The following OR52A5 variants were observed in gnomAD, a reference collection of about 807,000 sequenced individuals.
OR52A5 encodes the protein olfactory receptor 52A5.
In OR52A5, 16 loss-of-function variants were observed where a neutral mutation model predicts 18.2. The observed-to-expected ratio is 0.88, with a 90% CI of 0.60 to 1.34. The LOEUF is 1.34. OR52A5 is among the 40% of genes most tolerant of loss of function. OR52A5 has a pLI of 0.00. For missense variants in OR52A5, 418 were observed against 383.0 expected (o/e 1.09, Z -0.76); for synonymous variants, 140 against 137.2 (o/e 1.02, Z -0.14).
rs11035835 is a variant in OR52A5, at chr11:5,136,518, G to A, written c.-61+1793C>T. Among the ~76,000 whole-genome samples, 853 of 152,266 alleles carry A rather than the reference G, an allele frequency of 5.6e-3. 4 individuals are homozygous for A. Among genetic ancestry groups the A allele is most frequent in the Middle Eastern group, 0.024 (7 of 294 alleles). The stretch of plus-strand genomic sequence containing the variant: ...TTCAAGCATTGCCAAATGTCCCTTG[G>A]ATGCATGAAGAGGGACATATCTCTG... On this transcript the variant is annotated intron_variant, in intron 1 of 1. Transcript: ENST00000307388.
At chr11:5,134,580 T>G (rs916018966) in intron 1 of OR52A5, among the ~76,000 whole-genome samples, 3 of 152,160 alleles carry the variant, frequency 2.0e-5, no homozygotes, top group African/African-American at 7.2e-5. Flanking sequence ...TTATTCCATA[T>G]TTATTAATTA....
chr11:5,130,521 A>T lies in OR52A5; in HGVS notation c.*1171T>A, dbSNP rs1369034067. On this transcript the variant is annotated 3_prime_UTR_variant, in exon 2 of 2. Transcript: ENST00000307388. Reference sequence around the variant, plus strand: ...TATTAAGTTTTGCTTATCTAATTCAACAATTTTTAATATGTCTGCCTATCA... The same window carrying T: ...TATTAAGTTTTGCTTATCTAATTCATCAATTTTTAATATGTCTGCCTATCA... The T allele has an allele frequency of 6.6e-6, 1 of 152,070 alleles. No individual in the cohort carries two copies. Among genetic ancestry groups the T allele is most frequent in the East Asian group, 1.9e-4 (1 of 5,198 alleles). The allele number at this position is 152,070 out of a possible 1,614,324, so 9.4% of individuals were successfully genotyped here.
At chr11:5,134,516 T>C (rs1439587315) in intron 1 of OR52A5, among the ~76,000 whole-genome samples, 1 of 152,140 alleles carries the variant, frequency 6.6e-6, no homozygotes, top group Non-Finnish European at 1.5e-5. Flanking sequence ...TTATTAAGTA[T>C]CCACTATGAT....
Position 5,131,738 on chromosome 11 carries a change from A to C in OR52A5, c.905T>G (p.Ile302Ser). 6.2e-7 allele frequency: 1 copy of C among 1,613,956 alleles called. No individual in the cohort carries two copies. Residue 302 changes from isoleucine (I) to serine (S), a missense_variant, in exon 2 of 2, where the codon ATT (isoleucine) becomes AGT (serine). Physicochemically the swap from Ile to Ser is moderately radical, Grantham distance 142 (BLOSUM62 -2). Transcript: ENST00000307388. ...AAACACTTTCACAATATGGTCACGAATTTGCTTGGTCTTCACTCCATAGAC... is the reference window on the plus strand; with the variant it reads ...AAACACTTTCACAATATGGTCACGACTTTGCTTGGTCTTCACTCCATAGAC... ...PIVYGVKTKQ[I>S]RDHIVKVFFF...
Position 5,132,670 on chromosome 11 carries a change from A to C in OR52A5, c.-28T>G, listed in dbSNP as rs777448527. On this transcript the variant is annotated 5_prime_UTR_variant, in exon 2 of 2. Transcript: ENST00000307388. ...TTTGTTCATCAGAATCAAGTGGTAGATTTGCTGTTTCATCTTCTATTCTCT... is the reference window on the plus strand; with the variant it reads ...TTTGTTCATCAGAATCAAGTGGTAGCTTTGCTGTTTCATCTTCTATTCTCT... The C allele has an allele frequency of 1.3e-5, 19 of 1,444,564 alleles. No homozygotes were observed. Among genetic ancestry groups the C allele is most frequent in the African/African-American group, 7.1e-5 (5 of 70,282 alleles). The allele number at this position is 1,444,564 out of a possible 1,614,324, so 89.5% of individuals were successfully genotyped here. A position where few individuals can be genotyped will look rare whatever the true frequency, so the allele number is the denominator to read the frequency against.
intron 1 of OR52A5, 29 bp downstream of exon 1, chr11:5,138,282 C>G (rs1846410003): frequency 6.6e-6 from 1 of 152,130 alleles, no homozygotes; most frequent in Non-Finnish European, 1.5e-5. Flanking sequence ...TCCCAAATAC[C>G]ATGCAGAATC....
At chr11:5,133,538 C>G (rs1256004905) in intron 1 of OR52A5, among the ~76,000 whole-genome samples, 1 of 144,256 alleles carries the variant, frequency 6.9e-6, no homozygotes, top group Non-Finnish European at 1.5e-5. Flanking sequence ...GCTCAAAATT[C>G]TTTCAACCTA....
Position 5,129,456 on chromosome 11 carries a change from G to A in OR52A5, c.*2236C>T, listed in dbSNP as rs1226710423. On this transcript the variant is annotated 3_prime_UTR_variant, in exon 2 of 2. Transcript: ENST00000307388. ...ATCTTTAACTTAAGGCAATCCCTTC[G>A]AGCCCTCAAACAATTTATTCTTGGA... The A allele has an allele frequency of 1.3e-5, 2 of 151,974 alleles. No individual in the cohort carries two copies. Among genetic ancestry groups the A allele is most frequent in the Non-Finnish European group, 2.9e-5 (2 of 67,984 alleles). The allele number at this position is 151,974 out of a possible 1,614,324, so 9.4% of individuals were successfully genotyped here.
In OR52A5 at chr11:5,129,679, T is replaced by A. The variant is rs962918370; in HGVS notation, c.*2013A>T. ...TACAACCTCATTTTGAGGCCAGGTCTTTTTTTATACCTTAAAAAAAGGTAA... is the reference window on the plus strand; with the variant it reads ...TACAACCTCATTTTGAGGCCAGGTCATTTTTTATACCTTAAAAAAAGGTAA... On this transcript the variant is annotated 3_prime_UTR_variant, in exon 2 of 2. Coordinates refer to ENST00000307388, the MANE Select transcript of OR52A5 (RefSeq NM_001005160.3). The A allele has an allele frequency of 2.0e-5, 3 of 152,000 alleles. No homozygotes were observed. The highest frequency in any genetic ancestry group is 7.3e-5 in the African/African-American group (3 of 41,372). 9.4% of individuals were successfully genotyped at this position (152,000 alleles called of 1,614,324 possible). A position where few individuals can be genotyped will look rare whatever the true frequency, so the allele number is the denominator to read the frequency against.
chr11:5,135,031 T>C (rs1461243405), intron 1 of OR52A5, among the ~76,000 whole-genome samples: 2 of 151,968 alleles, frequency 1.3e-5, no homozygotes, highest in East Asian at 1.9e-4. Context: ...CCCGTCACCA[T>C]GCCTGGCTAA....
chr11:5,130,318 T>C lies in OR52A5; in HGVS notation c.*1374A>G, dbSNP rs1846324178. On this transcript the variant is annotated 3_prime_UTR_variant, in exon 2 of 2. Transcript: ENST00000307388. ...TTTCTTATTTAGGAGTATCACTTAC[T>C]TATTATCTTCATTCTTTATCCTTCA... is the stretch of plus-strand genomic sequence containing the variant. 1 of 152,122 alleles carries C rather than the reference T, an allele frequency of 6.6e-6. No homozygotes were observed. 9.4% of individuals were successfully genotyped at this position (152,122 alleles called of 1,614,324 possible). A position where few individuals can be genotyped will look rare whatever the true frequency, so the allele number is the denominator to read the frequency against.
intron 1 of OR52A5, among the ~76,000 whole-genome samples, chr11:5,134,951 G>A (rs1342792023): frequency 6.6e-6 from 1 of 152,020 alleles, no homozygotes; most frequent in African/African-American, 2.4e-5. Context: ...CTCACTGCAA[G>A]CTCCGCCTCC....
rs188176376 is a variant in OR52A5, at chr11:5,129,685, T to A, written c.*2007A>T. ...CTCATTTTGAGGCCAGGTCTTTTTT[T>A]ATACCTTAAAAAAAGGTAATATGAA... On this transcript the variant is annotated 3_prime_UTR_variant, in exon 2 of 2. Transcript: ENST00000307388. 9.9e-5 allele frequency: 15 copies of A among 152,174 alleles called. No homozygotes were observed. Among genetic ancestry groups the A allele is most frequent in the Admixed American group, 9.8e-4 (15 of 15,272 alleles). The allele number at this position is 152,174 out of a possible 1,614,324, so 9.4% of individuals were successfully genotyped here.
rs1846351059 is a variant in OR52A5, at chr11:5,132,527, A to T, written c.116T>A (p.Ile39Asn). The change falls in exon 2 of 2, where the codon ATT (isoleucine) becomes AAT (asparagine). Residue 39 changes from isoleucine to asparagine, a missense_variant. Physicochemically the swap from Ile to Asn is moderately radical, Grantham distance 149. Coordinates refer to ENST00000307388, the MANE Select transcript of OR52A5 (RefSeq NM_001005160.3). ...IGIPFSAMYL[I>N]GVIGNSLILV... ...AATTAGGGAATTTCCAATCACACCA[A>T]TAAGATACATGGCAGAGAAAGGAAT... 6.2e-7 allele frequency: 1 copy of T among 1,613,870 alleles called. No homozygotes were observed. The highest frequency in any genetic ancestry group is 1.3e-5 in the African/African-American group (1 of 74,902).
intron 1 of OR52A5, among the ~76,000 whole-genome samples, chr11:5,135,794 T>G (rs932283598): frequency 6.6e-6 from 1 of 152,182 alleles, no homozygotes; most frequent in South Asian, 2.1e-4. Flanking sequence ...ATTTCTTAAA[T>G]GTATTTTATT....
At chr11:5,133,117 C>T (rs1476338828) in intron 1 of OR52A5, among the ~76,000 whole-genome samples, 1 of 151,904 alleles carries the variant, frequency 6.6e-6, no homozygotes, top group Non-Finnish European at 1.5e-5. Context: ...CGCCTGTAAT[C>T]CCAGGACTTT....
Position 5,132,699 on chromosome 11 carries a change from G to A in OR52A5, c.-57C>T. On this transcript the variant is annotated 5_prime_UTR_variant, in exon 2 of 2. Transcript: ENST00000307388. ...GCTGTTTCATCTTCTATTCTCTGTT[G>A]AGCCTTGATGAATTAAAAATTAAAA... 9.3e-7 allele frequency: 1 copy of A among 1,078,718 alleles called. No individual in the cohort carries two copies. The highest frequency in any genetic ancestry group is 1.6e-5 in the African/African-American group (1 of 63,428). 66.8% of individuals were successfully genotyped at this position (1,078,718 alleles called of 1,614,324 possible).
At position 5,130,267 on chromosome 11, in the gene OR52A5, A is replaced by T. The variant is rs1846323536; in HGVS notation, c.*1425T>A. On this transcript the variant is annotated 3_prime_UTR_variant, in exon 2 of 2. Transcript: ENST00000307388. ...TTTCATTCACTCATGATTAATCTGTAGTTATCATCATATTGTTTGTTTTGG... is the reference window on the plus strand; with the variant it reads ...TTTCATTCACTCATGATTAATCTGTTGTTATCATCATATTGTTTGTTTTGG... 6.6e-6 allele frequency: 1 copy of T among 152,038 alleles called. No individual in the cohort carries two copies. Among genetic ancestry groups the T allele is most frequent in the African/African-American group, 2.4e-5 (1 of 41,416 alleles). 9.4% of individuals were successfully genotyped at this position (152,038 alleles called of 1,614,324 possible). A position where few individuals can be genotyped will look rare whatever the true frequency, so the allele number is the denominator to read the frequency against.
chr11:5,133,630 T>G (rs941976249), intron 1 of OR52A5, among the ~76,000 whole-genome samples: 2 of 151,840 alleles, frequency 1.3e-5, no homozygotes, highest in African/African-American at 2.4e-5. Context: ...CAAAATTAAT[T>G]CCTTATTTTT....
Sources: gnomAD v4.1 joint callset for allele counts (sites outside exome capture counted in the v4.1 genomes callset) on GRCh38, gnomAD v4.1.1 for gene constraint, MANE v1.5 for transcripts, NCBI Gene and HGNC (gene_info 2026-07-23, HGNC 2026-07-21) for gene names.